The following ANK2 variants were observed in gnomAD, a reference collection of about 807,000 sequenced individuals.
ANK2 encodes the protein ankyrin 2.
Under a neutral mutation model 360.5 loss-of-function variants are expected in ANK2, and 83 were observed. The observed-to-expected ratio is 0.23, with a 90% confidence interval of 0.19 to 0.28. The LOEUF is 0.28. Ranked by LOEUF, ANK2 falls within the 10% of genes least tolerant of loss-of-function variation. The probability of loss-of-function intolerance (pLI) is 1.00; values close to 1 mark genes in which losing one functional copy is unlikely to be tolerated. For missense variants in ANK2, 4,201 were observed against 4,795.7 expected, an observed-to-expected ratio of 0.88 and a Z score of 3.66; for synonymous variants, 1,740 against 1,759.5, an observed-to-expected ratio of 0.99 and a Z score of 0.28.
At chr4:112,882,116 GT>G (rs2076861426) in intron 1 of ANK2, 1 of 297,048 alleles carries the variant, frequency 3.4e-6, no homozygotes, top group African/African-American at 2.2e-5. Context: ...TTCCGCAGCT[GT>G]TCCGGCTCTT....
intron 1 of ANK2, chr4:112,827,174 G>T: frequency 8.7e-7 from 1 of 1,152,012 alleles, no homozygotes. Flanking sequence ...TACATCCTGT[G>T]TAGTGATACC....
intron 2 of ANK2, among the ~76,000 whole-genome samples, chr4:112,989,300 C>CTT (rs2045966507): frequency 2.0e-5 from 3 of 152,094 alleles, no homozygotes; most frequent in Non-Finnish European, 4.4e-5. Flanking sequence ...AGCAGAAACT[C>CTT]AACTGATAAC....
At chr4:113,144,643 T>C (rs17579857) in intron 1 of ANK2, among the ~76,000 whole-genome samples, 17,659 of 150,606 alleles carry the variant, frequency 0.12, 1,165 homozygotes, top group South Asian at 0.15. Context: ...CTGCATTGAG[T>C]AGTTTAAAAT....
intron 2 of ANK2, among the ~76,000 whole-genome samples, chr4:113,013,469 G>T (rs1405214562): frequency 2.0e-5 from 3 of 152,004 alleles, no homozygotes; most frequent in African/African-American, 7.2e-5. Flanking sequence ...AATGATAATA[G>T]CTCTATTTTT....
intron 2 of ANK2, among the ~76,000 whole-genome samples, chr4:113,181,325 G>T (rs1163758717): frequency 6.6e-6 from 1 of 152,120 alleles, no homozygotes; most frequent in African/African-American, 2.4e-5. Flanking sequence ...AAGCGACATG[G>T]ATTTTAATAT....
the ANK2 span, among the ~76,000 whole-genome samples, chr4:112,795,289 G>A: frequency 1.3e-5 from 2 of 152,158 alleles, no homozygotes; most frequent in African/African-American, 4.8e-5. Flanking sequence ...GGATATTCAT[G>A]TTTGGATATA....
At chr4:113,160,182 G>A (rs1010885298) in intron 1 of ANK2, among the ~76,000 whole-genome samples, 16 of 152,012 alleles carry the variant, frequency 1.1e-4, no homozygotes, top group African/African-American at 3.4e-4. Flanking sequence ...AAAGAGTTCA[G>A]CATTGTTTGA....
At chr4:112,829,970 AAT>A (rs1420201699) in intron 1 of ANK2, among the ~76,000 whole-genome samples, 1 of 151,090 alleles carries the variant, frequency 6.6e-6, no homozygotes, top group African/African-American at 2.5e-5. Context: ...AAAAAATAAA[AAT>A]AAAAAATAAA....
chr4:112,791,004 GGAA>G, the ANK2 span, among the ~76,000 whole-genome samples: 1 of 152,120 alleles, frequency 6.6e-6, no homozygotes, highest in Non-Finnish European at 1.5e-5. Context: ...AAAGGATATG[GGAA>G]GAATTGTGAA....
chr4:113,116,994 C>G (rs2094862950), intron 1 of ANK2: 1 of 264,832 alleles, frequency 3.8e-6, no homozygotes, highest in Non-Finnish European at 7.5e-6. Context: ...TCCGCCTTCC[C>G]CCGGGACCAT....
chr4:113,241,437 A>G (rs1276916719), intron 8 of ANK2, among the ~76,000 whole-genome samples: 2 of 152,184 alleles, frequency 1.3e-5, no homozygotes, highest in Non-Finnish European at 2.9e-5. Context: ...TCATGGGCTC[A>G]AGCAATCCTC....
intron 10 of ANK2, among the ~76,000 whole-genome samples, chr4:113,255,489 A>C (rs567287102): frequency 3.9e-5 from 6 of 152,336 alleles, no homozygotes; most frequent in Non-Finnish European, 7.3e-5. Flanking sequence ...ATTGCCACAC[A>C]TACCATGCAT....
chr4:113,311,256 T>A lies in ANK2; in HGVS notation c.2550T>A (p.Gly850=), dbSNP rs2079812128. The A allele has an allele frequency of 6.2e-7, 1 of 1,614,120 alleles. No homozygotes were observed. ...GCTTCTTCCTCTGATTGTTTCAAGG[T>A]GATGACACAATGACTGGTGATGGGG... ...TEVLDVSDEE[G]DDTMTGDGGE... The change falls in exon 24 of 46, where the codon GGT becomes GGA. Residue 850 remains glycine, a splice_region_variant and synonymous_variant. Transcript: ENST00000357077.
In ANK2 at chr4:113,215,130, G is replaced by A. The variant is rs183505137; in HGVS notation, c.384+16021G>A. Among the ~76,000 whole-genome samples the A allele has an allele frequency of 1.1e-4, 17 of 152,150 alleles. No individual in the cohort carries two copies. The East Asian group carries it at 3.3e-3, about 29-fold the overall frequency. On this transcript the variant is annotated intron_variant, in intron 4 of 45. Transcript: ENST00000357077. ...TTCACATTAAAATAAAAAACAACAT[G>A]GGAGAGCAAAATAAAGACATTACTA...
In ANK2 at chr4:113,379,649, A is replaced by G. The variant is rs146863984; in HGVS notation, c.11860-1808A>G. 2.4e-4 allele frequency among the ~76,000 whole-genome samples: 37 copies of G among 152,356 alleles called. No homozygotes were observed. The East Asian group carries it at 5.2e-3, about 21-fold the overall frequency. On this transcript the variant is annotated intron_variant, in intron 45 of 45. Coordinates refer to ENST00000357077, the MANE Select transcript of ANK2 (RefSeq NM_001148.6). ...GTATTTAGGAAAACATCAGATTTCA[A>G]TCATTGGAATCAAATTTGACCTTTT... is the stretch of plus-strand genomic sequence containing the variant.
At chr4:112,849,891 A>G (rs1293079578) in intron 1 of ANK2, among the ~76,000 whole-genome samples, 1 of 152,236 alleles carries the variant, frequency 6.6e-6, no homozygotes, top group East Asian at 1.9e-4. Context: ...TAGACTGAGT[A>G]AAGAAGATCT....
intron 2 of ANK2, among the ~76,000 whole-genome samples, chr4:113,005,483 C>G (rs1025813617): frequency 5.9e-5 from 9 of 151,928 alleles, no homozygotes; most frequent in Non-Finnish European, 1.3e-4. Context: ...AAGTCAGGCA[C>G]AAAAAGGCAA....
At position 112,978,938 on chromosome 4, in the gene ANK2, A is replaced by T. The variant is rs527607347; in HGVS notation, c.21+74424A>T. Among the ~76,000 whole-genome samples, 9 of 152,324 alleles carry T rather than the reference A, an allele frequency of 5.9e-5. No individual in the cohort carries two copies. The East Asian group carries it at 1.7e-3, about 29-fold the overall frequency. On this transcript the variant is annotated intron_variant, in intron 2 of 30. Coordinates refer to the ANK2 transcript ENST00000503271. The stretch of plus-strand genomic sequence containing the variant: ...TATCTTGACTCTGTAGATCACTAAC[A>T]TGTGAGCTTGAGTAGATTATTTCTC...
the ANK2 span, among the ~76,000 whole-genome samples, chr4:112,712,442 C>G: frequency 2.5e-5 from 3 of 121,110 alleles, no homozygotes; most frequent in Non-Finnish European, 4.9e-5. Context: ...GAGTTTCGCT[C>G]TGTCGCCCAG....
Sources: gnomAD v4.1 joint callset for allele counts (sites outside exome capture counted in the v4.1 genomes callset) on GRCh38, gnomAD v4.1.1 for gene constraint, MANE v1.5 for transcripts, NCBI Gene and HGNC (gene_info 2026-07-23, HGNC 2026-07-21) for gene names.